PPP2R2C: variants seen among roughly 807,000 people sequenced by gnomAD.
The protein encoded by PPP2R2C is protein phosphatase 2 regulatory subunit Bgamma.
A neutral mutation model predicts 45.3 loss-of-function variants in PPP2R2C; 10 were observed. The observed-to-expected ratio is 0.22, with a 90% CI of 0.14 to 0.37. The LOEUF (loss-of-function observed/expected upper bound fraction) is 0.37. PPP2R2C is among the 10% of genes least tolerant of loss of function. The pLI is 1.00. For synonymous variants in PPP2R2C, 257 were observed against 245.4 expected, an observed-to-expected ratio of 1.05 and a Z score of -0.44; for missense variants, 308 against 619.7, an observed-to-expected ratio of 0.50 and a Z score of 5.34.
chr4:6,359,625 A>T (rs1045542769), intron 5 of PPP2R2C, among the ~76,000 whole-genome samples: 3 of 22,478 alleles, frequency 1.3e-4, no homozygotes, highest in Middle Eastern at 0.038. Flanking sequence ...TTTCACCTGT[A>T]AAAAAAAAAA....
intron 1 of PPP2R2C, among the ~76,000 whole-genome samples, chr4:6,548,932 G>C (rs1725085588): frequency 6.6e-6 from 1 of 152,158 alleles, no homozygotes; most frequent in South Asian, 2.1e-4. Context: ...TCCCTTGGCA[G>C]CCCTCTCCCC....
chr4:6,414,816 C>A (rs985904079), intron 1 of PPP2R2C, among the ~76,000 whole-genome samples: 1 of 152,158 alleles, frequency 6.6e-6, no homozygotes, highest in African/African-American at 2.4e-5. Context: ...AATTGCCTAA[C>A]CCCTCTGAGC....
chr4:6,477,581 C>T (rs1054444095), upstream of PPP2R2C, among the ~76,000 whole-genome samples: 5 of 151,930 alleles, frequency 3.3e-5, no homozygotes, highest in Non-Finnish European at 5.9e-5. Context: ...AAAAAATTAG[C>T]CGGGCATGGT....
chr4:6,387,108 A>G (rs1716266670), intron 1 of PPP2R2C, among the ~76,000 whole-genome samples: 2 of 152,198 alleles, frequency 1.3e-5, no homozygotes, highest in Admixed American at 6.5e-5. Context: ...GACCTGTTGC[A>G]TATCAAAAGG....
intron 1 of PPP2R2C, among the ~76,000 whole-genome samples, chr4:6,390,862 C>A (rs1039800262): frequency 6.6e-6 from 1 of 152,162 alleles, no homozygotes; most frequent in East Asian, 1.9e-4. Flanking sequence ...TCCACTCTCG[C>A]TGAAGAACCC....
chr4:6,343,714 G>GA (rs898856765), intron 6 of PPP2R2C, among the ~76,000 whole-genome samples: 2 of 151,854 alleles, frequency 1.3e-5, no homozygotes, highest in Non-Finnish European at 2.9e-5. Flanking sequence ...TAAAAAAAAA[G>GA]AAAAAAATTC....
At chr4:6,338,413 T>A (rs1733166499) in intron 6 of PPP2R2C, among the ~76,000 whole-genome samples, 1 of 152,168 alleles carries the variant, frequency 6.6e-6, no homozygotes, top group African/African-American at 2.4e-5. Context: ...CATCCCTGGC[T>A]CAGGCCAAGG....
rs571474264 is a variant in PPP2R2C, at chr4:6,399,938, C to A, written c.71-18844G>T. 1.5e-4 allele frequency among the ~76,000 whole-genome samples: 23 copies of A among 152,346 alleles called. No homozygotes were observed. The South Asian group carries it at 3.1e-3, about 21-fold the overall frequency. On this transcript the variant is annotated intron_variant, in intron 1 of 8. Transcript: ENST00000382599. ...TCTTTGATGGGAGGCTGAAGTCAAG[C>A]CAGCCATGGCTGTGTTTCCTGCTCT...
At chr4:6,351,792 T>C (rs1445369846) in intron 5 of PPP2R2C, among the ~76,000 whole-genome samples, 1 of 151,966 alleles carries the variant, frequency 6.6e-6, no homozygotes. Context: ...GCCCAGAACC[T>C]CTGGGCAGCA....
At chr4:6,352,403 A>C (rs968109941) in intron 5 of PPP2R2C, among the ~76,000 whole-genome samples, 1 of 152,182 alleles carries the variant, frequency 6.6e-6, no homozygotes, top group Non-Finnish European at 1.5e-5. Flanking sequence ...CCTGCTTGAA[A>C]AACTGCTTCA....
Position 6,321,651 on chromosome 4 carries a change from A to G in PPP2R2C, c.*1651T>C, listed in dbSNP as rs1399672799. 1 of 117,798 alleles carries G rather than the reference A, an allele frequency of 8.5e-6. No individual in the cohort carries two copies. The highest frequency in any genetic ancestry group is 3.1e-5 in the African/African-American group (1 of 32,124). 7.3% of individuals were successfully genotyped at this position (117,798 alleles called of 1,614,324 possible). On this transcript the variant is annotated 3_prime_UTR_variant, in exon 9 of 9. Coordinates refer to ENST00000382599, the MANE Select transcript of PPP2R2C (RefSeq NM_020416.4). ...TGGGTTATGTTATATCTTGTAAAAAACAAAACAAAACAAAACCAAAAAAAA... is the reference window on the plus strand; with the variant it reads ...TGGGTTATGTTATATCTTGTAAAAAGCAAAACAAAACAAAACCAAAAAAAA...
chr4:6,562,355 C>T (rs1292764156), intron 1 of PPP2R2C, among the ~76,000 whole-genome samples: 1 of 152,082 alleles, frequency 6.6e-6, no homozygotes, highest in Non-Finnish European at 1.5e-5. Flanking sequence ...TCGCCACAGC[C>T]TCTGGAGCTC....
At chr4:6,416,342 G>A (rs71599890) in intron 1 of PPP2R2C, among the ~76,000 whole-genome samples, 2,613 of 152,290 alleles carry the variant, frequency 0.017, 37 homozygotes, top group Middle Eastern at 0.044. Context: ...GCTACCAAGA[G>A]TAGGAGCCAG....
intron 1 of PPP2R2C, among the ~76,000 whole-genome samples, chr4:6,538,440 C>T (rs1006540155): frequency 4.6e-5 from 7 of 152,220 alleles, no homozygotes; most frequent in African/African-American, 1.2e-4. Flanking sequence ...CAGAGCAAAA[C>T]GGAAACATAC....
At chr4:6,446,309 A>G (rs1190257942) in intron 1 of PPP2R2C, among the ~76,000 whole-genome samples, 1 of 152,040 alleles carries the variant, frequency 6.6e-6, no homozygotes, top group African/African-American at 2.4e-5. Context: ...ACCAAGCACA[A>G]TTTGACTTGG....
intron 8 of PPP2R2C, among the ~76,000 whole-genome samples, chr4:6,325,742 G>A (rs982418895): frequency 6.6e-6 from 1 of 152,284 alleles, no homozygotes. Context: ...CATTCAGGCA[G>A]GTTTCTTAAA....
At chr4:6,508,430 C>CA (rs1057220409) in intron 2 of PPP2R2C, among the ~76,000 whole-genome samples, 20 of 150,986 alleles carry the variant, frequency 1.3e-4, no homozygotes, top group South Asian at 6.3e-4. Flanking sequence ...ACTAAAAATA[C>CA]AAAAAAAAAT....
chr4:6,342,442 GA>G (rs1405539357), intron 6 of PPP2R2C, among the ~76,000 whole-genome samples: 1 of 152,168 alleles, frequency 6.6e-6, no homozygotes, highest in Non-Finnish European at 1.5e-5. Context: ...AGTATTTAAT[GA>G]GATATAAACT....
At position 6,402,831 on chromosome 4, in the gene PPP2R2C, C is replaced by A. The variant is rs182170813; in HGVS notation, c.71-21737G>T. Among the ~76,000 whole-genome samples the A allele has an allele frequency of 3.8e-3, 575 of 152,294 alleles. 6 individuals are homozygous for A. The highest frequency in any genetic ancestry group is 0.013 in the African/African-American group (544 of 41,554). ...CATTCAGGTGAGAGGGGCATGCATG[C>A]GCCCAGCTGGAGCACCTGTCCCATG... On this transcript the variant is annotated intron_variant, in intron 1 of 8. Transcript: ENST00000382599.
Sources: allele counts gnomAD v4.1 joint callset (sites outside exome capture counted in the v4.1 genomes callset), GRCh38; gene constraint gnomAD v4.1.1; transcripts MANE v1.5; gene names NCBI Gene and HGNC (gene_info 2026-07-23, HGNC 2026-07-21).